Variants in PHB1 observed in about 807,000 individuals in gnomAD.
PHB1 encodes epididymis luminal protein 215.
the PHB1 span, among the ~76,000 whole-genome samples, chr17:49,414,558 C>T: frequency 1.3e-5 from 2 of 152,244 alleles, no homozygotes; most frequent in South Asian, 2.1e-4. Flanking sequence ...TGAGACTACC[C>T]TGATCTCGTC....
the PHB1 span, chr17:49,411,726 C>T: frequency 2.5e-6 from 4 of 1,613,992 alleles, no homozygotes; most frequent in Non-Finnish European, 3.4e-6. Context: ...GAACGGCAGT[C>T]AAAGATAATT....
the PHB1 span, chr17:49,409,013 C>A: frequency 2.9e-6 from 4 of 1,398,706 alleles, no homozygotes; most frequent in Non-Finnish European, 4.0e-6. Context: ...GCAGCCCCTT[C>A]CCCTCCTCGG....
chr17:49,410,954 A>T, the PHB1 span, among the ~76,000 whole-genome samples: 1 of 152,210 alleles, frequency 6.6e-6, no homozygotes, highest in African/African-American at 2.4e-5. Context: ...TGGACAATTC[A>T]GGCCTGCCTG....
the PHB1 span, chr17:49,409,514 C>A: frequency 4.6e-6 from 7 of 1,530,164 alleles, no homozygotes; most frequent in Middle Eastern, 8.7e-4. Context: ...AAATAAAAAC[C>A]ACTGTAGGAA....
At chr17:49,404,548 A>G in the PHB1 span, 6 of 244,974 alleles carry the variant, frequency 2.4e-5, no homozygotes, top group East Asian at 7.2e-4. Flanking sequence ...GGGAAGACGG[A>G]GGCCTGCCTT....
At chr17:49,409,893 T>A in the PHB1 span, among the ~76,000 whole-genome samples, 1 of 152,086 alleles carries the variant, frequency 6.6e-6, no homozygotes, top group African/African-American at 2.4e-5. Context: ...TTTATTTATG[T>A]ATTTTGAGAC....
At chr17:49,408,077 T>C in the PHB1 span, among the ~76,000 whole-genome samples, 3 of 152,244 alleles carry the variant, frequency 2.0e-5, no homozygotes, top group African/African-American at 7.2e-5. Context: ...CCTTAGGTTT[T>C]TACTCAGCGT....
chr17:49,409,033 G>A, the PHB1 span: 1 of 1,561,018 alleles, frequency 6.4e-7, no homozygotes, highest in Non-Finnish European at 8.7e-7. Context: ...GTCTCCCGAA[G>A]GATCTTACCA....
the PHB1 span, among the ~76,000 whole-genome samples, chr17:49,410,598 C>T: frequency 6.6e-6 from 1 of 152,170 alleles, no homozygotes; most frequent in Non-Finnish European, 1.5e-5. Context: ...CCTTTACATG[C>T]TCTGGTGATT....
the PHB1 span, chr17:49,414,175 T>C: frequency 6.6e-6 from 1 of 152,092 alleles, no homozygotes; most frequent in Admixed American, 6.5e-5. Context: ...GAAGCCGAGA[T>C]TGCAGTTATT....
chr17:49,411,288 C>T, the PHB1 span, among the ~76,000 whole-genome samples: 7 of 151,294 alleles, frequency 4.6e-5, no homozygotes, highest in African/African-American at 7.3e-5. Flanking sequence ...GCAACCTCCG[C>T]CCCCCAGGCT....
the PHB1 span, chr17:49,406,927 C>T: frequency 9.3e-7 from 1 of 1,073,850 alleles, no homozygotes. Flanking sequence ...GGCTCCATGG[C>T]CGCTGGAAGA....
the PHB1 span, among the ~76,000 whole-genome samples, chr17:49,409,694 G>T: frequency 6.6e-6 from 1 of 151,550 alleles, no homozygotes; most frequent in Non-Finnish European, 1.5e-5. Flanking sequence ...GGCACGCGCC[G>T]CCACACCCAG....
At chr17:49,404,988 G>T in the PHB1 span, 5 of 1,548,740 alleles carry the variant, frequency 3.2e-6, no homozygotes, top group African/African-American at 4.1e-5. Flanking sequence ...GGCAGGGTGG[G>T]CCCTCACTGG....
chr17:49,407,982 C>T, the PHB1 span, among the ~76,000 whole-genome samples: 2 of 152,264 alleles, frequency 1.3e-5, no homozygotes, highest in African/African-American at 4.8e-5. Flanking sequence ...TTTCTTCTCA[C>T]ACCTTAGATA....
At chr17:49,409,076 G>A in the PHB1 span, 3 of 1,611,468 alleles carry the variant, frequency 1.9e-6, no homozygotes, top group South Asian at 3.3e-5. Flanking sequence ...CCCAAAGGTG[G>A]CGGCTCGCTC....
At chr17:49,408,226 C>T in the PHB1 span, among the ~76,000 whole-genome samples, 1 of 152,188 alleles carries the variant, frequency 6.6e-6, no homozygotes, top group South Asian at 2.1e-4. Flanking sequence ...TGGAGCAGTG[C>T]CCAGGGGTTA....
the PHB1 span, chr17:49,405,248 C>A: frequency 6.5e-7 from 1 of 1,539,710 alleles, no homozygotes; most frequent in South Asian, 1.1e-5. Context: ...CTCAGGGCAC[C>A]GCATGTCAGG....
chr17:49,408,562 A>G, the PHB1 span, among the ~76,000 whole-genome samples: 1 of 151,876 alleles, frequency 6.6e-6, no homozygotes, highest in Non-Finnish European at 1.5e-5. Context: ...GGGGGAATCC[A>G]ACCGTTCGTT....
Sources: allele counts gnomAD v4.1 joint callset (sites outside exome capture counted in the v4.1 genomes callset), GRCh38; gene constraint gnomAD v4.1.1; transcripts MANE v1.5; gene names NCBI Gene and HGNC (gene_info 2026-07-23, HGNC 2026-07-21).